The following BTN2A2 variants were observed in gnomAD, a reference collection of about 807,000 sequenced individuals.
BTN2A2 encodes butyrophilin subfamily 2 member A2, also known as butyrophilin 2.
Under a neutral mutation model 34.7 loss-of-function variants are expected in BTN2A2, and 29 were observed. The ratio of observed to expected loss-of-function variants is 0.84; its 90% confidence interval spans 0.62 to 1.14. The LOEUF (loss-of-function observed/expected upper bound fraction) is 1.14, where lower values mean the gene tolerates loss of function less well. Ranked by LOEUF, BTN2A2 falls within the 50% of genes most tolerant of loss-of-function variation. BTN2A2 has a pLI of 0.00. For synonymous variants in BTN2A2, 240 were observed against 253.1 expected, an observed-to-expected ratio of 0.95 and a Z score of 0.49; for missense variants, 612 against 651.5, an observed-to-expected ratio of 0.94 and a Z score of 0.66.
intron 3 of BTN2A2, chr6:26,385,662 T>C (rs1761152218): frequency 3.7e-6 from 1 of 273,400 alleles, no homozygotes; most frequent in African/African-American, 2.2e-5. Context: ...GCTATTCTCC[T>C]GCCTCAGCCT....
chr6:26,392,599 A>G lies in BTN2A2; in HGVS notation c.1204A>G (p.Ser402Gly). Residue 402 changes from serine (S) to glycine (G), a missense_variant, in exon 8 of 8, where the codon AGT (serine) becomes GGT (glycine). Ser to Gly is a moderately conservative substitution (Grantham distance 56). Coordinates refer to ENST00000356709, the MANE Select transcript of BTN2A2 (RefSeq NM_006995.5). ...GTGGACTGTGGGGGTCTGCAGACACAGTGTTGAGAGGAAAGGGGAGGTCCT... is the reference window on the plus strand; with the variant it reads ...GTGGACTGTGGGGGTCTGCAGACACGGTGTTGAGAGGAAAGGGGAGGTCCT... ...MVWTVGVCRH[S>G]VERKGEVLLI... The G allele has an allele frequency of 6.2e-7, 1 of 1,614,022 alleles. No individual in the cohort carries two copies. Among genetic ancestry groups the G allele is most frequent in the East Asian group, 2.2e-5 (1 of 44,886 alleles).
rs1362874452 is a variant in BTN2A2 at position 26,387,579 on chromosome 6, AAAAAGAAAG to A, written c.443-430_443-422del. On this transcript the variant is annotated intron_variant, in intron 3 of 7. Coordinates refer to ENST00000356709, the MANE Select transcript of BTN2A2 (RefSeq NM_006995.5). ...AACCCCATCTCTACAAAAAAAAAAA[AAAAAGAAAG>A]AAAGGAAAAAAAGCTTCTGCCAACC... 6.9e-5 allele frequency among the ~76,000 whole-genome samples: 10 copies of A among 145,206 alleles called. No individual in the cohort carries two copies. The East Asian group carries it at 2.0e-3, about 28-fold the overall frequency.
chr6:26,390,009 C>G lies in BTN2A2; in HGVS notation c.729C>G (p.Ser243=), dbSNP rs1416822095. 3 of 1,612,802 alleles carry G rather than the reference C, an allele frequency of 1.9e-6. No homozygotes were observed. The highest frequency in any genetic ancestry group is 2.5e-6 in the Non-Finnish European group (3 of 1,179,602). Reference sequence around the variant, plus strand: ...CTTTTCTGGCTGCCTTTTCAGAATCCTTTATGCCCAGCGCATCTCCCTGGA... The same window carrying G: ...CTTTTCTGGCTGCCTTTTCAGAATCGTTTATGCCCAGCGCATCTCCCTGGA... ...EKETVIFIPE[S]FMPSASPWMV... The change falls in exon 5 of 8, where the codon TCC becomes TCG. Residue 243 remains serine (S), a synonymous_variant. Coordinates refer to ENST00000356709, the MANE Select transcript of BTN2A2 (RefSeq NM_006995.5).
At chr6:26,391,739 C>T (rs1761590733) in intron 7 of BTN2A2, 1 of 158,346 alleles carries the variant, frequency 6.3e-6, no homozygotes, top group African/African-American at 2.4e-5. Context: ...TAAAGCAAAA[C>T]TGGATTGAAG....
intron 7 of BTN2A2, 24 bp downstream of exon 7, chr6:26,390,853 A>C: frequency 6.2e-7 from 1 of 1,613,762 alleles, no homozygotes; most frequent in South Asian, 1.1e-5. Flanking sequence ...ATGTTCTCTC[A>C]GATCTCAGCT....
intron 3 of BTN2A2, among the ~76,000 whole-genome samples, chr6:26,387,231 G>T (rs1313938135): frequency 1.3e-5 from 2 of 152,182 alleles, no homozygotes; most frequent in Admixed American, 1.3e-4. Flanking sequence ...ATACATTGAT[G>T]TTCTTAAAGG....
At chr6:26,391,894 A>G (rs1761600109) in intron 7 of BTN2A2, 1 of 287,526 alleles carries the variant, frequency 3.5e-6, no homozygotes, top group Non-Finnish European at 6.6e-6. Flanking sequence ...TATAGGACCA[A>G]CGAAGAGGTC....
chr6:26,392,210 C>T (rs1179310069), intron 7 of BTN2A2, 165 bp from the exon 8 acceptor site: 15 of 1,542,906 alleles, frequency 9.7e-6, no homozygotes, highest in South Asian at 4.8e-5. Context: ...GTGCAGCTTC[C>T]GTAATTCTCA....
chr6:26,388,173 T>C lies in BTN2A2; in HGVS notation c.603T>C (p.Ala201=). ...TGAAGGAGGTTTCCATCGCTGATGC[T>C]GACGGCCTCTTCATGGTCACCACAG... ...PALKEVSIAD[A]DGLFMVTTAV... The change falls in exon 4 of 8, where the codon GCT becomes GCC. Residue 201 remains alanine, a synonymous_variant. Transcript: ENST00000356709. The C allele has an allele frequency of 6.2e-7, 1 of 1,614,224 alleles. No individual in the cohort carries two copies. Among genetic ancestry groups the C allele is most frequent in the Non-Finnish European group, 8.5e-7 (1 of 1,180,036 alleles).
chr6:26,393,554 C>T lies in BTN2A2; in HGVS notation c.*587C>T. On this transcript the variant is annotated 3_prime_UTR_variant, in exon 8 of 8. Transcript: ENST00000356709. ...ACCCAACCCCAGGATTTCCACAGCA[C>T]ACACCCACAGGCCTGGACCTGGGAT... 1 of 1,014,224 alleles carries T rather than the reference C, an allele frequency of 9.9e-7. No homozygotes were observed. The highest frequency in any genetic ancestry group is 5.2e-5 in the Admixed American group (1 of 19,390). 62.8% of individuals were successfully genotyped at this position (1,014,224 alleles called of 1,614,324 possible). A position where few individuals can be genotyped will look rare whatever the true frequency, so the allele number is the denominator to read the frequency against.
chr6:26,387,421 T>C (rs1404466219), intron 3 of BTN2A2, among the ~76,000 whole-genome samples: 1 of 152,072 alleles, frequency 6.6e-6, no homozygotes, highest in African/African-American at 2.4e-5. Context: ...GTGACTTTGG[T>C]TCAAAAAGTT....
At position 26,392,596 on chromosome 6, in the gene BTN2A2, C is replaced by G. The variant is rs148562624; in HGVS notation, c.1201C>G (p.His401Asp). 505 of 1,614,140 alleles carry G rather than the reference C, an allele frequency of 3.1e-4. 13 individuals are homozygous for G. Among genetic ancestry groups the G allele is most frequent in the East Asian group, 2.9e-3 (129 of 44,874 alleles). ...GGTGTGGACTGTGGGGGTCTGCAGA[C>G]ACAGTGTTGAGAGGAAAGGGGAGGT... is the stretch of plus-strand genomic sequence containing the variant. ...VMVWTVGVCRHSVERKGEVLL... is the reference protein window; with the variant it reads ...VMVWTVGVCRDSVERKGEVLL... Residue 401 changes from histidine (H) to aspartate (D), a missense_variant, in exon 8 of 8, where the codon CAC (histidine) becomes GAC (aspartate). Transcript: ENST00000356709.
chr6:26,387,036 A>T (rs1332641552), intron 3 of BTN2A2, among the ~76,000 whole-genome samples: 1 of 152,244 alleles, frequency 6.6e-6, no homozygotes, highest in Non-Finnish European at 1.5e-5. Context: ...GCATGGCTGA[A>T]GGGTCTCCCA....
Position 26,388,055 on chromosome 6 carries a change from A to G in BTN2A2, c.485A>G (p.Asp162Gly). 6.2e-7 allele frequency: 1 copy of G among 1,614,000 alleles called. No homozygotes were observed. Among genetic ancestry groups the G allele is most frequent in the Non-Finnish European group, 8.5e-7 (1 of 1,179,968 alleles). The change falls in exon 4 of 8, where the codon GAT (aspartate) becomes GGT (glycine). Residue 162 changes from aspartate (D) to glycine (G), a missense_variant. Physicochemically the swap from Asp to Gly is moderately conservative, Grantham distance 94. Coordinates refer to ENST00000356709, the MANE Select transcript of BTN2A2 (RefSeq NM_006995.5). ...CTCATTGAAATCAAGGCCCAAGAGG[A>G]TGGGAGCATCTGGCTGGAGTGCATA... ...KPLIEIKAQE[D>G]GSIWLECISG...
Position 26,393,230 on chromosome 6 carries a change from AAAAG to A in BTN2A2, c.*268_*271del, listed in dbSNP as rs771269359. The A allele has an allele frequency of 5.6e-4, 836 of 1,484,450 alleles. 3 individuals carry two copies. The highest frequency in any genetic ancestry group is 7.8e-4 in the Middle Eastern group (4 of 5,150). The allele number at this position is 1,484,450 out of a possible 1,614,324, so 92.0% of individuals were successfully genotyped here. A position where few individuals can be genotyped will look rare whatever the true frequency, so the allele number is the denominator to read the frequency against. On this transcript the variant is annotated 3_prime_UTR_variant, in exon 8 of 8. Transcript: ENST00000356709. The stretch of plus-strand genomic sequence containing the variant: ...CTAGTTGTTTCATAGCTCCCAGTCA[AAAAG>A]AAAGTGAGAGAAGCTGTTGGGCAGC...
intron 7 of BTN2A2, 198 bp from the exon 8 acceptor site, chr6:26,392,177 C>T (rs1561833450): frequency 1.3e-6 from 2 of 1,513,728 alleles, no homozygotes; most frequent in African/African-American, 1.4e-5. Flanking sequence ...GGGGGCACTG[C>T]TTCTGTCTCT....
intron 3 of BTN2A2, 122 bp downstream of exon 3, chr6:26,385,484 GA>G: frequency 1.0e-6 from 1 of 980,082 alleles, no homozygotes; most frequent in East Asian, 2.6e-5. Flanking sequence ...TTTCCACAGA[GA>G]AAGTGGCTTC....
rs763450917 is a variant in BTN2A2, at chr6:26,388,230, T to A, written c.660T>A (p.Asn220Lys). Residue 220 changes from asparagine (N) to lysine (K), a missense_variant, in exon 4 of 8, where the codon AAT becomes AAA. Coordinates refer to ENST00000356709, the MANE Select transcript of BTN2A2 (RefSeq NM_006995.5). ...TCATCAGAGACAAGTATGTGAGGAA[T>A]GTGTCCTGCTCTGTCAACAACACCC... ...AVIIRDKYVR[N>K]VSCSVNNTLL... is the part of the protein sequence containing the mutation. The A allele has an allele frequency of 2.5e-6, 4 of 1,614,140 alleles. No individual in the cohort carries two copies. Among genetic ancestry groups the A allele is most frequent in the Admixed American group, 3.3e-5 (2 of 60,026 alleles).
chr6:26,385,269 C>T lies in BTN2A2; in HGVS notation c.349C>T (p.His117Tyr), dbSNP rs763192523. Residue 117 changes from histidine to tyrosine, a missense_variant, in exon 3 of 8, where the codon CAT (histidine) becomes TAT (tyrosine). By Grantham distance (83) the His-to-Tyr change is moderately conservative. Transcript: ENST00000356709. ...CAGGGGCAGCGTGGCCCTGGTCATACATAACGTCACAGCCCAGGAGAATGG... is the reference window on the plus strand; with the variant it reads ...CAGGGGCAGCGTGGCCCTGGTCATATATAACGTCACAGCCCAGGAGAATGG... Reference protein sequence around the residue: ...INRGSVALVIHNVTAQENGIY... With the variant: ...INRGSVALVIYNVTAQENGIY... 1 of 1,614,162 alleles carries T rather than the reference C, an allele frequency of 6.2e-7. No homozygotes were observed. The highest frequency in any genetic ancestry group is 2.2e-5 in the East Asian group (1 of 44,886).
Sources: allele counts gnomAD v4.1 joint callset (sites outside exome capture counted in the v4.1 genomes callset), GRCh38; gene constraint gnomAD v4.1.1; transcripts MANE v1.5; gene names NCBI Gene and HGNC (gene_info 2026-07-23, HGNC 2026-07-21).